TGM5: variants seen among roughly 807,000 people sequenced by gnomAD.
TGM5 encodes transglutaminase 5.
Under a neutral mutation model 77.2 loss-of-function variants are expected in TGM5, and 69 were observed. The ratio of observed to expected loss-of-function variants is 0.89; its 90% CI spans 0.74 to 1.09. The LOEUF is 1.09. Ranked by LOEUF, TGM5 falls within the 50% of genes least tolerant of loss-of-function variation. The pLI, the probability that TGM5 is intolerant of heterozygous loss-of-function variation, is 0.00. For missense variants in TGM5, 842 were observed against 896.5 expected, an observed-to-expected ratio of 0.94 and a Z score of 0.78; for synonymous variants, 346 against 351.8, an observed-to-expected ratio of 0.98 and a Z score of 0.18.
At chr15:43,246,627 G>A (rs561890116) in intron 6 of TGM5, among the ~76,000 whole-genome samples, 18 of 152,278 alleles carry the variant, frequency 1.2e-4, no homozygotes, top group East Asian at 5.8e-4. Flanking sequence ...ACAAGTTAAC[G>A]AGATGAGATC....
At chr15:43,262,577 G>A (rs1181668217) in intron 1 of TGM5, among the ~76,000 whole-genome samples, 1 of 152,120 alleles carries the variant, frequency 6.6e-6, no homozygotes, top group African/African-American at 2.4e-5. Flanking sequence ...ACAAGGTCAG[G>A]AGTTCAAGAC....
chr15:43,254,013 C>T (rs2042726166), intron 4 of TGM5, among the ~76,000 whole-genome samples: 1 of 152,244 alleles, frequency 6.6e-6, no homozygotes, highest in Non-Finnish European at 1.5e-5. Context: ...TGCTTCCACA[C>T]TCACCTGCTG....
At position 43,239,754 on chromosome 15, in the gene TGM5, T is replaced by C. The variant is rs2042620073; in HGVS notation, c.1002-488A>G. 2.6e-5 allele frequency: 5 copies of C among 192,072 alleles called. No homozygotes were observed. In the South Asian group the frequency reaches 4.7e-4, roughly 18 times the overall value. The allele number at this position is 192,072 out of a possible 1,614,324, so 11.9% of individuals were successfully genotyped here. A position where few individuals can be genotyped will look rare whatever the true frequency, so the allele number is the denominator to read the frequency against. On this transcript the variant is annotated intron_variant, in intron 7 of 12. Coordinates refer to ENST00000220420, the MANE Select transcript of TGM5 (RefSeq NM_201631.4). ...CAGAAAAGAGTCTCCCTCTGCGGAC[T>C]CAGCTTGTGAACAGAAAGTGAAGGC...
At chr15:43,244,036 G>A (rs1476872869) in intron 6 of TGM5, among the ~76,000 whole-genome samples, 1 of 152,094 alleles carries the variant, frequency 6.6e-6, no homozygotes, top group Non-Finnish European at 1.5e-5. Flanking sequence ...TTAACTGCAG[G>A]CCACAACACT....
At chr15:43,242,457 C>A (rs2042643306) in intron 6 of TGM5, among the ~76,000 whole-genome samples, 1 of 152,222 alleles carries the variant, frequency 6.6e-6, no homozygotes, top group African/African-American at 2.4e-5. Flanking sequence ...AATATCCCCC[C>A]TCCCCTGGGA....
intron 4 of TGM5, 79 bp downstream of exon 4, chr15:43,256,489 G>T: frequency 9.1e-7 from 1 of 1,104,864 alleles, no homozygotes; most frequent in Admixed American, 1.7e-5. Flanking sequence ...AGCAGTTCTA[G>T]GTGAAGCTCA....
chr15:43,233,789 C>A, intron 11 of TGM5, 102 bp from the exon 12 acceptor site: 1 of 1,323,844 alleles, frequency 7.6e-7, no homozygotes, highest in East Asian at 2.5e-5. Flanking sequence ...ATGCCACCTC[C>A]AAATATGCCA....
chr15:43,252,607 T>C, intron 6 of TGM5, 152 bp downstream of exon 6: 1 of 1,006,408 alleles, frequency 9.9e-7, no homozygotes, highest in Non-Finnish European at 1.5e-6. Flanking sequence ...TGAGCCACCG[T>C]GCCCGGCCGA....
intron 9 of TGM5, among the ~76,000 whole-genome samples, chr15:43,236,089 C>T (rs1030157796): frequency 6.6e-6 from 1 of 152,140 alleles, no homozygotes; most frequent in Non-Finnish European, 1.5e-5. Context: ...CTTCCATACA[C>T]AGATAAAGAA....
In TGM5 at chr15:43,238,815, A is replaced by C; in HGVS notation, c.1345+2T>G. 1 of 1,613,388 alleles carries C rather than the reference A, an allele frequency of 6.2e-7. No homozygotes were observed. On this transcript the variant is annotated splice_donor_variant, in intron 9 of 12. Coordinates refer to ENST00000220420, the MANE Select transcript of TGM5 (RefSeq NM_201631.4). LOFTEE classifies it high-confidence loss of function. ...CTGAGTAGGGCTGGCTTGCTTACTT[A>C]CCTTCTTCATACTTGTAGTTCTCTG...
intron 6 of TGM5, chr15:43,241,303 C>T: frequency 2.3e-6 from 1 of 431,254 alleles, no homozygotes; most frequent in Non-Finnish European, 4.3e-6. Flanking sequence ...TTTGGCAAAA[C>T]TCAGAGGCCT....
At position 43,261,087 on chromosome 15, in the gene TGM5, T is replaced by G. The variant is rs1283132977; in HGVS notation, c.11-508A>C. Among the ~76,000 whole-genome samples, 547 of 119,462 alleles carry G rather than the reference T, an allele frequency of 4.6e-3. 33 individuals carry two copies. The highest frequency in any genetic ancestry group is 0.017 in the African/African-American group (492 of 28,662). 78.4% of individuals were successfully genotyped at this position (119,462 alleles called of 152,430 possible). A position where few individuals can be genotyped will look rare whatever the true frequency, so the allele number is the denominator to read the frequency against. The stretch of plus-strand genomic sequence containing the variant: ...TTTTTTGTGTGTGTGTTTTTTTTTT[T>G]TTTTTTTTTTTTTTTTTTTTGAGAC... On this transcript the variant is annotated intron_variant, in intron 1 of 12. Transcript: ENST00000220420.
intron 5 of TGM5, 79 bp downstream of exon 5, chr15:43,253,427 C>T: frequency 6.3e-7 from 1 of 1,591,006 alleles, no homozygotes; most frequent in Non-Finnish European, 8.5e-7. Context: ...CTCTTTCACC[C>T]ACTGCAGGGG....
At chr15:43,242,283 G>A (rs1280613974) in intron 6 of TGM5, among the ~76,000 whole-genome samples, 2 of 152,214 alleles carry the variant, frequency 1.3e-5, no homozygotes, top group South Asian at 2.1e-4. Context: ...TATGCATACA[G>A]TTCAGCATCT....
intron 4 of TGM5, among the ~76,000 whole-genome samples, chr15:43,254,258 C>T (rs475261): frequency 0.42 from 63,550 of 151,928 alleles, 15,479 homozygotes; most frequent in African/African-American, 0.67. Flanking sequence ...GCCCTCTCCG[C>T]GTGAGACTCA....
chr15:43,249,174 G>T (rs1457791317), intron 6 of TGM5, among the ~76,000 whole-genome samples: 8 of 152,250 alleles, frequency 5.3e-5, no homozygotes, highest in Non-Finnish European at 4.4e-5. Flanking sequence ...CCAAGTCATT[G>T]CTGTCCCCTA....
At chr15:43,241,920 G>A (rs1284878839) in intron 6 of TGM5, among the ~76,000 whole-genome samples, 3 of 152,112 alleles carry the variant, frequency 2.0e-5, no homozygotes, top group Non-Finnish European at 4.4e-5. Flanking sequence ...GATTACAGGC[G>A]TGAGCCACCG....
chr15:43,238,692 C>T (rs1170395192), intron 9 of TGM5, 125 bp downstream of exon 9: 1 of 1,482,380 alleles, frequency 6.7e-7, no homozygotes, highest in Non-Finnish European at 9.1e-7. Flanking sequence ...ACTGGGGCCT[C>T]AAAACTGAAC....
At chr15:43,241,160 C>T (rs1363444456) in intron 6 of TGM5, 170 bp from the exon 7 acceptor site, 1 of 876,592 alleles carries the variant, frequency 1.1e-6, no homozygotes, top group Non-Finnish European at 1.8e-6. Context: ...TTCCCCACTT[C>T]TGGAGCTCAT....
Sources: allele counts gnomAD v4.1 joint callset (sites outside exome capture counted in the v4.1 genomes callset), GRCh38; gene constraint gnomAD v4.1.1; transcripts MANE v1.5; gene names NCBI Gene and HGNC (gene_info 2026-07-23, HGNC 2026-07-21).